PCDH9: variants seen among roughly 807,000 people sequenced by gnomAD.
PCDH9 encodes the protein protocadherin 9, also known as protocadherin-9.
PCDH9 carries 24 observed loss-of-function variants against 70.6 expected under a neutral mutation model. The ratio of observed to expected loss-of-function variants is 0.34; its 90% CI spans 0.25 to 0.48. The LOEUF (loss-of-function observed/expected upper bound fraction) is 0.48, where lower values mean the gene tolerates loss of function less well. Among genes scored for constraint, PCDH9 ranks in the 20% least tolerant of loss-of-function variants. The probability of loss-of-function intolerance (pLI) is 0.99; values close to 1 mark genes in which losing one functional copy is unlikely to be tolerated. For synonymous variants in PCDH9, 562 were observed against 558.5 expected, an observed-to-expected ratio of 1.01 and a Z score of -0.09; for missense variants, 1,281 against 1,503.6, an observed-to-expected ratio of 0.85 and a Z score of 2.45.
chr13:66,820,952 C>T (rs1429345101), intron 3 of PCDH9, among the ~76,000 whole-genome samples: 1 of 151,992 alleles, frequency 6.6e-6, no homozygotes, highest in African/African-American at 2.4e-5. Context: ...ACAATGTTTA[C>T]CTCTGTAACA....
At chr13:66,831,703 C>A (rs1437495165) in intron 3 of PCDH9, among the ~76,000 whole-genome samples, 1 of 152,090 alleles carries the variant, frequency 6.6e-6, no homozygotes, top group Non-Finnish European at 1.5e-5. Context: ...AAGATGTGTC[C>A]AAATCAATTG....
intron 4 of PCDH9, among the ~76,000 whole-genome samples, chr13:66,438,767 C>T (rs1957922407): frequency 6.6e-6 from 1 of 152,156 alleles, no homozygotes; most frequent in African/African-American, 2.4e-5. Context: ...AGCCAAGAAT[C>T]TGTTCTTTGA....
chr13:66,733,262 C>T (rs2079100950), intron 3 of PCDH9, among the ~76,000 whole-genome samples: 1 of 152,038 alleles, frequency 6.6e-6, no homozygotes, highest in African/African-American at 2.4e-5. Context: ...TCCCTTTAAC[C>T]ATGACATCAA....
At chr13:66,883,649 A>T (rs1022169879) in intron 3 of PCDH9, among the ~76,000 whole-genome samples, 3 of 152,246 alleles carry the variant, frequency 2.0e-5, no homozygotes, top group African/African-American at 4.8e-5. Context: ...TAAAGGAGTT[A>T]AAAAAAGGCC....
chr13:66,982,261 C>T (rs1485947962), intron 2 of PCDH9, among the ~76,000 whole-genome samples: 1 of 152,166 alleles, frequency 6.6e-6, no homozygotes, highest in Non-Finnish European at 1.5e-5. Flanking sequence ...GCAGTGAGTG[C>T]TTGAGCCAGT....
chr13:66,405,577 G>A (rs1163347439), intron 4 of PCDH9, among the ~76,000 whole-genome samples: 1 of 152,150 alleles, frequency 6.6e-6, no homozygotes, highest in East Asian at 1.9e-4. Context: ...ATCTCCCCTT[G>A]ATCTGAGGGA....
At chr13:66,485,750 A>AT (rs928871679) in intron 4 of PCDH9, among the ~76,000 whole-genome samples, 2 of 150,538 alleles carry the variant, frequency 1.3e-5, no homozygotes, top group Non-Finnish European at 3.0e-5. Context: ...TTTATTTTTT[A>AT]TTTTTTTTGA....
intron 3 of PCDH9, among the ~76,000 whole-genome samples, chr13:66,894,641 T>C (rs1379409631): frequency 6.6e-6 from 1 of 152,152 alleles, no homozygotes; most frequent in Non-Finnish European, 1.5e-5. Context: ...TCTGATGTTA[T>C]TATTACATGT....
At chr13:66,667,941 G>A (rs909753592) in intron 3 of PCDH9, among the ~76,000 whole-genome samples, 5 of 152,132 alleles carry the variant, frequency 3.3e-5, no homozygotes, top group Admixed American at 1.3e-4. Flanking sequence ...ATTTAAGCTT[G>A]TTCTAAAGAT....
At chr13:66,396,951 G>GA (rs1188598353) in intron 4 of PCDH9, among the ~76,000 whole-genome samples, 2 of 151,556 alleles carry the variant, frequency 1.3e-5, no homozygotes, top group South Asian at 4.2e-4. Context: ...CCAACATTCT[G>GA]AAAAAAAATG....
intron 2 of PCDH9, among the ~76,000 whole-genome samples, chr13:67,017,123 G>A (rs111940668): frequency 1.1e-4 from 16 of 152,242 alleles, no homozygotes; most frequent in African/African-American, 3.9e-4. Context: ...TCATACATAG[G>A]CCAGACAAAG....
intron 3 of PCDH9, among the ~76,000 whole-genome samples, chr13:66,769,648 G>A (rs959618684): frequency 6.6e-6 from 1 of 152,074 alleles, no homozygotes; most frequent in African/African-American, 2.4e-5. Context: ...ACATCTTTCT[G>A]CAATGGAAGT....
At chr13:66,768,082 A>T (rs2079747139) in intron 3 of PCDH9, among the ~76,000 whole-genome samples, 1 of 152,086 alleles carries the variant, frequency 6.6e-6, no homozygotes, top group East Asian at 1.9e-4. Flanking sequence ...CTCTCAGCCA[A>T]AAAAAAGACC....
chr13:66,419,485 T>C (rs1448705653), intron 4 of PCDH9, among the ~76,000 whole-genome samples: 1 of 150,862 alleles, frequency 6.6e-6, no homozygotes, highest in Non-Finnish European at 1.5e-5. Context: ...GATTAGACAG[T>C]GGGTGCAGCC....
intron 3 of PCDH9, among the ~76,000 whole-genome samples, chr13:66,762,463 T>C (rs376315716): frequency 6.6e-6 from 1 of 152,046 alleles, no homozygotes; most frequent in South Asian, 2.1e-4. Context: ...TCACTTCCCA[T>C]CTTTCCTCAA....
chr13:67,002,512 A>G (rs2084264802), intron 2 of PCDH9, among the ~76,000 whole-genome samples: 1 of 76,818 alleles, frequency 1.3e-5, no homozygotes, highest in African/African-American at 4.0e-5. Context: ...AATTAATTTT[A>G]CAATTAATCA....
At chr13:66,330,448 C>T (rs1955922688) in intron 4 of PCDH9, among the ~76,000 whole-genome samples, 1 of 152,134 alleles carries the variant, frequency 6.6e-6, no homozygotes, top group South Asian at 2.1e-4. Flanking sequence ...GCATATTTAC[C>T]ATGTTTCAGA....
At chr13:66,867,697 A>G (rs992731440) in intron 3 of PCDH9, among the ~76,000 whole-genome samples, 5 of 152,080 alleles carry the variant, frequency 3.3e-5, no homozygotes, top group Admixed American at 2.6e-4. Flanking sequence ...GGGTTTTGCT[A>G]TTACCAAAAA....
intron 4 of PCDH9, among the ~76,000 whole-genome samples, chr13:66,312,603 C>G (rs933330709): frequency 3.7e-5 from 4 of 109,494 alleles, no homozygotes; most frequent in African/African-American, 1.4e-4. Context: ...AGAGCGAGAT[C>G]CTGCCTCAAA....
Sources: allele counts gnomAD v4.1 joint callset (sites outside exome capture counted in the v4.1 genomes callset), GRCh38; gene constraint gnomAD v4.1.1; transcripts MANE v1.5; gene names NCBI Gene and HGNC (gene_info 2026-07-23, HGNC 2026-07-21).